The following MYO1D variants were observed in gnomAD, a reference collection of about 807,000 sequenced individuals.
MYO1D encodes myosin ID.
In MYO1D, 83 loss-of-function variants were observed where a neutral mutation model predicts 122.0. The observed-to-expected ratio is 0.68, with a 90% CI of 0.57 to 0.82. MYO1D has a LOEUF of 0.82. Among genes scored for constraint, MYO1D ranks in the 40% least tolerant of loss-of-function variants. The pLI, the probability that MYO1D is intolerant of heterozygous loss-of-function variation, is 0.00. For synonymous variants in MYO1D, 464 were observed against 446.9 expected (o/e 1.04, Z -0.48); for missense variants, 1,157 against 1,269.5 (o/e 0.91, Z 1.35).
At chr17:32,782,254 T>G (rs181357589) in intron 1 of MYO1D, among the ~76,000 whole-genome samples, 2 of 152,242 alleles carry the variant, frequency 1.3e-5, no homozygotes, top group Admixed American at 6.5e-5. Flanking sequence ...TATTAACTAC[T>G]TCAAGGTTTT....
At position 32,736,707 on chromosome 17, in the gene MYO1D, A is replaced by C. The variant is rs147624032; in HGVS notation, c.1746+1546T>G. Among the ~76,000 whole-genome samples the C allele has an allele frequency of 2.0e-4, 31 of 152,372 alleles. No homozygotes were observed. In the East Asian group the frequency reaches 4.4e-3, roughly 22 times the overall value. On this transcript the variant is annotated intron_variant, in intron 14 of 21. Transcript: ENST00000318217. ...CATTAACTACCAAGTTTAGAAAACA[A>C]AACAATTCTTTTTCTAGTTAATTGA...
At chr17:32,638,178 G>T (rs1270020333) in intron 20 of MYO1D, among the ~76,000 whole-genome samples, 1 of 152,184 alleles carries the variant, frequency 6.6e-6, no homozygotes, top group South Asian at 2.1e-4. Flanking sequence ...GATTCAAGGA[G>T]ATACCCACGA....
chr17:32,579,627 T>G (rs1027640445), intron 21 of MYO1D, among the ~76,000 whole-genome samples: 1 of 152,100 alleles, frequency 6.6e-6, no homozygotes, highest in African/African-American at 2.4e-5. Context: ...TCCCCAAAGG[T>G]TTCTTGTGCT....
chr17:32,613,281 TACTG>T (rs2087726823), intron 20 of MYO1D, among the ~76,000 whole-genome samples: 1 of 152,102 alleles, frequency 6.6e-6, no homozygotes. Context: ...AGAAAAATCA[TACTG>T]ACTCATTTTA....
At chr17:32,607,288 G>C (rs139172312) in intron 20 of MYO1D, among the ~76,000 whole-genome samples, 1 of 151,944 alleles carries the variant, frequency 6.6e-6, no homozygotes, top group African/African-American at 2.4e-5. Flanking sequence ...ACTAATAAGC[G>C]CATCTAGTAA....
intron 21 of MYO1D, among the ~76,000 whole-genome samples, chr17:32,508,095 T>C (rs1321123046): frequency 2.0e-5 from 3 of 151,772 alleles, no homozygotes; most frequent in African/African-American, 7.3e-5. Flanking sequence ...CGGGGTGTCA[T>C]CATGTTGGCC....
chr17:32,548,727 T>A (rs1265707836), intron 21 of MYO1D, among the ~76,000 whole-genome samples: 2 of 151,610 alleles, frequency 1.3e-5, no homozygotes, highest in Non-Finnish European at 2.9e-5. Flanking sequence ...TTTTTTTTTT[T>A]TTTTGAGATG....
intron 20 of MYO1D, among the ~76,000 whole-genome samples, chr17:32,629,562 G>A (rs944870746): frequency 3.3e-5 from 5 of 151,962 alleles, no homozygotes; most frequent in South Asian, 2.1e-4. Context: ...GTGAAACCTC[G>A]TCTCTACTAA....
intron 16 of MYO1D, among the ~76,000 whole-genome samples, chr17:32,708,828 C>T (rs1396136912): frequency 6.6e-6 from 1 of 152,184 alleles, no homozygotes; most frequent in African/African-American, 2.4e-5. Flanking sequence ...ATTTTTGAAG[C>T]CACTGTCCCT....
chr17:32,554,200 C>T (rs1037485810), intron 21 of MYO1D, among the ~76,000 whole-genome samples: 17 of 152,126 alleles, frequency 1.1e-4, no homozygotes, highest in Admixed American at 7.9e-4. Flanking sequence ...TGCCCCTGCC[C>T]CTGCCCCTGC....
chr17:32,865,588 G>GA lies in MYO1D; in HGVS notation c.95+11189dup, dbSNP rs2091116735. ...TCTGAACTGGCCTGTGGCTTTTTCTGAAAAACCTATGTTCAGGAGTAAACA... is the reference window on the plus strand; with the variant it reads ...TCTGAACTGGCCTGTGGCTTTTTCTGAAAAAACCTATGTTCAGGAGTAAACA... On this transcript the variant is annotated intron_variant, in intron 1 of 21. Coordinates refer to ENST00000318217, the MANE Select transcript of MYO1D (RefSeq NM_015194.3). Among the ~76,000 whole-genome samples, 6 of 152,142 alleles carry GA rather than the reference G, an allele frequency of 3.9e-5. 1 individual carries two copies. The highest frequency in any genetic ancestry group is 3.9e-4 in the Admixed American group (6 of 15,280).
intron 20 of MYO1D, among the ~76,000 whole-genome samples, chr17:32,609,337 C>T (rs559497786): frequency 6.6e-5 from 10 of 152,194 alleles, no homozygotes; most frequent in Non-Finnish European, 1.3e-4. Flanking sequence ...ATGAACAAGG[C>T]AACCACTGGG....
intron 16 of MYO1D, among the ~76,000 whole-genome samples, chr17:32,669,667 A>G (rs984257358): frequency 6.6e-6 from 1 of 152,226 alleles, no homozygotes; most frequent in Non-Finnish European, 1.5e-5. Context: ...CAATTTCCAA[A>G]GAACCAGGTT....
intron 7 of MYO1D, 114 bp downstream of exon 7, chr17:32,767,522 G>T (rs575040834): frequency 3.2e-6 from 2 of 629,306 alleles, no homozygotes; most frequent in Non-Finnish European, 5.4e-6. Context: ...TTCAAAATAC[G>T]TACAAAATTT....
intron 5 of MYO1D, among the ~76,000 whole-genome samples, chr17:32,771,538 G>T (rs2090112839): frequency 6.6e-6 from 1 of 152,202 alleles, no homozygotes; most frequent in East Asian, 1.9e-4. Context: ...CTCTGTGGTG[G>T]TTGCTTGCTT....
At chr17:32,811,141 T>C (rs184301980) in intron 1 of MYO1D, among the ~76,000 whole-genome samples, 2 of 152,326 alleles carry the variant, frequency 1.3e-5, no homozygotes, top group African/African-American at 4.8e-5. Flanking sequence ...AAGGAGCAGT[T>C]TCTGCTCTCA....
At chr17:32,662,228 G>A (rs1438825571) in intron 16 of MYO1D, among the ~76,000 whole-genome samples, 6 of 152,316 alleles carry the variant, frequency 3.9e-5, no homozygotes, top group African/African-American at 1.2e-4. Context: ...AAGAAAAGGT[G>A]TATGGCCAAT....
Position 32,738,387 on chromosome 17 carries a change from T to C in MYO1D, c.1614-2A>G. On this transcript the variant is annotated splice_acceptor_variant, in intron 13 of 21. Coordinates refer to ENST00000318217, the MANE Select transcript of MYO1D (RefSeq NM_015194.3). LOFTEE classifies it high-confidence loss of function. The stretch of plus-strand genomic sequence containing the variant: ...ATATTCTTGAGCACAGGATTTGAAC[T>C]GAGAAGCACAGAAAAAACAATTCAA... The C allele has an allele frequency of 6.4e-7, 1 of 1,565,102 alleles. No individual in the cohort carries two copies. The highest frequency in any genetic ancestry group is 8.6e-7 in the Non-Finnish European group (1 of 1,156,720).
chr17:32,500,132 C>T (rs1909268534), intron 21 of MYO1D, among the ~76,000 whole-genome samples: 2 of 152,196 alleles, frequency 1.3e-5, no homozygotes, highest in Non-Finnish European at 2.9e-5. Context: ...AGGAGATGCT[C>T]CCAGGTGCTG....
Sources: gnomAD v4.1 joint callset for allele counts (sites outside exome capture counted in the v4.1 genomes callset) on GRCh38, gnomAD v4.1.1 for gene constraint, MANE v1.5 for transcripts, NCBI Gene and HGNC (gene_info 2026-07-23, HGNC 2026-07-21) for gene names.